Variants in EPHB2 observed in about 807,000 individuals in gnomAD.
EPHB2 encodes ephrin type-B receptor 2.
EPHB2 carries 18 observed loss-of-function variants against 96.4 expected under a neutral mutation model. The observed-to-expected ratio is 0.19, with a 90% CI of 0.13 to 0.28. The LOEUF is 0.28. Among genes scored for constraint, EPHB2 ranks in the 10% least tolerant of loss-of-function variants. EPHB2 has a pLI of 1.00. For missense variants in EPHB2, 989 were observed against 1,355.4 expected (o/e 0.73, Z 4.25); for synonymous variants, 506 against 534.1 (o/e 0.95, Z 0.72).
chr1:22,794,023 C>T (rs1644733809), intron 3 of EPHB2, among the ~76,000 whole-genome samples: 1 of 152,192 alleles, frequency 6.6e-6, no homozygotes, highest in African/African-American at 2.4e-5. Context: ...GAGTCCCAAT[C>T]CTGTAGACCC....
intron 1 of EPHB2, among the ~76,000 whole-genome samples, chr1:22,736,637 G>T (rs1643835504): frequency 6.6e-6 from 1 of 152,330 alleles, no homozygotes. Context: ...CCCTTTGAGG[G>T]TGGGGGCAGC....
chr1:22,795,862 C>G (rs369263238), intron 3 of EPHB2, among the ~76,000 whole-genome samples: 135 of 152,270 alleles, frequency 8.9e-4, no homozygotes, highest in African/African-American at 3.2e-3. Context: ...CAGCTCCCCC[C>G]GCCGGGGGAG....
intron 6 of EPHB2, chr1:22,891,016 C>T (rs1288143412): frequency 6.6e-6 from 3 of 452,340 alleles, no homozygotes; most frequent in African/African-American, 2.0e-5. Flanking sequence ...GACCAGGTCA[C>T]ATGTCCCTCG....
intron 3 of EPHB2, among the ~76,000 whole-genome samples, chr1:22,818,448 C>G (rs769142189): frequency 9.9e-5 from 15 of 152,154 alleles, no homozygotes; most frequent in Non-Finnish European, 2.2e-4. Flanking sequence ...CTGCCCTCTT[C>G]CCCATCCAGC....
At chr1:22,891,778 T>C (rs940386767) in intron 6 of EPHB2, among the ~76,000 whole-genome samples, 9 of 131,784 alleles carry the variant, frequency 6.8e-5, no homozygotes, top group Non-Finnish European at 1.3e-4. Flanking sequence ...TGCAAGAGTC[T>C]GGTTTCTTTT....
intron 5 of EPHB2, among the ~76,000 whole-genome samples, chr1:22,877,024 G>T (rs1393367913): frequency 6.6e-6 from 1 of 152,218 alleles, no homozygotes. Flanking sequence ...GGGCCGGGTG[G>T]GTGGTAGGTG....
intron 3 of EPHB2, among the ~76,000 whole-genome samples, chr1:22,834,257 G>C (rs944228271): frequency 6.6e-6 from 1 of 152,100 alleles, no homozygotes; most frequent in African/African-American, 2.4e-5. Context: ...GTCTCATACA[G>C]GACCACAAAC....
At chr1:22,737,132 A>G (rs897657759) in intron 1 of EPHB2, among the ~76,000 whole-genome samples, 31 of 152,006 alleles carry the variant, frequency 2.0e-4, no homozygotes, top group Non-Finnish European at 2.9e-4. Context: ...GGCCCTTTTT[A>G]GCTGTGCCTC....
In EPHB2 at chr1:22,915,142, A is replaced by G. The variant is rs1055047915; in HGVS notation, c.*1572A>G. ...ATGCCTCTTCCCTTCCCTGGAGAGA[A>G]AGTGTGTGATTTCTCTCCCACCTCC... On this transcript the variant is annotated 3_prime_UTR_variant, in exon 16 of 16. Transcript: ENST00000374630. The G allele has an allele frequency of 6.6e-6, 1 of 152,312 alleles. No individual in the cohort carries two copies. Among genetic ancestry groups the G allele is most frequent in the Non-Finnish European group, 1.5e-5 (1 of 68,006 alleles). The allele number at this position is 152,312 out of a possible 1,614,324, so 9.4% of individuals were successfully genotyped here.
chr1:22,802,299 T>G (rs1570304513), intron 3 of EPHB2, among the ~76,000 whole-genome samples: 2 of 150,932 alleles, frequency 1.3e-5, no homozygotes, highest in Non-Finnish European at 3.0e-5. Context: ...TACAGTGGAG[T>G]GGGCACCAGA....
At chr1:22,865,974 A>G (rs1638460280) in intron 5 of EPHB2, among the ~76,000 whole-genome samples, 2 of 151,316 alleles carry the variant, frequency 1.3e-5, no homozygotes, top group Non-Finnish European at 2.9e-5. Context: ...GCCGGCCACC[A>G]CAGTCTCCCC....
At chr1:22,896,557 A>T in intron 9 of EPHB2, 79 bp downstream of exon 9, 1 of 1,573,566 alleles carries the variant, frequency 6.4e-7, no homozygotes, top group Non-Finnish European at 8.7e-7. Flanking sequence ...GCCATCTTTG[A>T]CCTCCTTCTG....
intron 3 of EPHB2, among the ~76,000 whole-genome samples, chr1:22,791,364 TC>T (rs369348935): frequency 8.7e-4 from 133 of 152,136 alleles, no homozygotes; most frequent in African/African-American, 3.1e-3. Flanking sequence ...TATAGGTTCT[TC>T]CAGGTGGATT....
At chr1:22,910,065 A>G (rs375198701) in intron 13 of EPHB2, among the ~76,000 whole-genome samples, 3 of 152,132 alleles carry the variant, frequency 2.0e-5, no homozygotes, top group East Asian at 3.9e-4. Flanking sequence ...GGGGGCTCAC[A>G]GGATGGGAGG....
intron 3 of EPHB2, among the ~76,000 whole-genome samples, chr1:22,810,259 G>GCCCTT (rs1400238196): frequency 6.6e-6 from 1 of 152,104 alleles, no homozygotes; most frequent in African/African-American, 2.4e-5. Flanking sequence ...GGCAGGAAGG[G>GCCCTT]CCTGCTCAAC....
intron 12 of EPHB2, 57 bp from the exon 13 acceptor site, chr1:22,908,960 TAAGAG>T: frequency 6.2e-7 from 1 of 1,606,432 alleles, no homozygotes; most frequent in South Asian, 1.1e-5. Flanking sequence ...GTGGGAGGAT[TAAGAG>T]AAGAGGTCAG....
intron 14 of EPHB2, among the ~76,000 whole-genome samples, chr1:22,911,392 C>T (rs1295876457): frequency 6.6e-6 from 1 of 152,160 alleles, no homozygotes; most frequent in Non-Finnish European, 1.5e-5. Context: ...GTCTCAGGCT[C>T]TCACACCTAC....
At chr1:22,856,408 T>C (rs559119926) in intron 3 of EPHB2, among the ~76,000 whole-genome samples, 39 of 152,292 alleles carry the variant, frequency 2.6e-4, no homozygotes, top group African/African-American at 8.7e-4. Flanking sequence ...TCTGGGCGAT[T>C]GCAGAAGGCC....
intron 12 of EPHB2, 101 bp downstream of exon 12, chr1:22,908,269 C>A (rs1639981236): frequency 7.1e-7 from 1 of 1,400,962 alleles, no homozygotes; most frequent in Non-Finnish European, 9.9e-7. Flanking sequence ...CCAATTGGGC[C>A]AAGCACTGTC....
Sources: allele counts gnomAD v4.1 joint callset (sites outside exome capture counted in the v4.1 genomes callset), GRCh38; gene constraint gnomAD v4.1.1; transcripts MANE v1.5; gene names NCBI Gene and HGNC (gene_info 2026-07-23, HGNC 2026-07-21).